NBPF12: variants seen among roughly 807,000 people sequenced by gnomAD.
NBPF12 encodes NBPF family member NBPF12.
In NBPF12, 115 loss-of-function variants were observed where a neutral mutation model predicts 146.4. The ratio of observed to expected loss-of-function variants is 0.79; its 90% CI spans 0.68 to 0.92. The LOEUF (loss-of-function observed/expected upper bound fraction) is 0.92, where lower values mean the gene tolerates loss of function less well. Ranked by LOEUF, NBPF12 falls within the 40% of genes least tolerant of loss-of-function variation. The probability of loss-of-function intolerance (pLI) is 0.00; values close to 1 mark genes in which losing one functional copy is unlikely to be tolerated. For missense variants in NBPF12, 1,205 were observed against 1,326.8 expected, an observed-to-expected ratio of 0.91 and a Z score of 1.43; for synonymous variants, 385 against 508.9, an observed-to-expected ratio of 0.76 and a Z score of 3.28.
exon 34 of NBPF12, chr1:146,994,863 T>G (rs1274952651): frequency 1.9e-6 from 1 of 531,064 alleles, no homozygotes; most frequent in Admixed American, 3.4e-5. Context: ...ACAAAATTCC[T>G]CAGGGATTTC....
chr1:146,972,520 T>G (rs1241849352), intron 13 of NBPF12, among the ~76,000 whole-genome samples: 2,050 of 150,258 alleles, frequency 0.014, 105 homozygotes, highest in African/African-American at 0.047. Flanking sequence ...TTATAGAAAC[T>G]TATAAGCAAG....
chr1:146,983,861 GA>G (rs1333004341), intron 20 of NBPF12, among the ~76,000 whole-genome samples: 1,156 of 130,332 alleles, frequency 8.9e-3, no homozygotes, highest in African/African-American at 0.033. Flanking sequence ...ATTTATTGGG[GA>G]AAAAATTGCT....
chr1:146,948,888 C>T (rs1553883609), upstream of NBPF12, among the ~76,000 whole-genome samples: 22,265 of 150,814 alleles, frequency 0.15, 1,772 homozygotes, highest in Admixed American at 0.26. Flanking sequence ...AGGAGAAAAC[C>T]GCCTTAGGAC....
At chr1:146,987,799 C>G (rs1657887370) in intron 25 of NBPF12, among the ~76,000 whole-genome samples, 155 bp from the exon 29 acceptor site, 1 of 152,072 alleles carries the variant, frequency 6.6e-6, no homozygotes, top group South Asian at 2.1e-4. Flanking sequence ...TGGCCCTGTT[C>G]TGTCCCAACA....
exon 34 of NBPF12, chr1:146,994,946 A>T (rs1658453766): frequency 2.8e-6 from 1 of 354,926 alleles, no homozygotes; most frequent in Admixed American, 4.2e-5. Context: ...GTTCATCCAA[A>T]GGTGTTACCC....
intron 2 of NBPF12, among the ~76,000 whole-genome samples, chr1:146,954,434 G>A: frequency 9.1e-6 from 1 of 109,652 alleles, no homozygotes; most frequent in Non-Finnish European, 1.9e-5. Flanking sequence ...CAAAATTTAT[G>A]TAAGGCCAGT....
At chr1:146,958,054 T>TAC (rs1655684775) in intron 2 of NBPF12, among the ~76,000 whole-genome samples, 1 of 120,830 alleles carries the variant, frequency 8.3e-6, no homozygotes, top group Non-Finnish European at 1.8e-5. Flanking sequence ...TATATACATA[T>TAC]ACACACGTGT....
chr1:146,992,514 C>A (rs1159939403), intron 31 of NBPF12, among the ~76,000 whole-genome samples, 198 bp from the exon 35 acceptor site: 1 of 52,076 alleles, frequency 1.9e-5, no homozygotes, highest in Admixed American at 1.9e-4. Flanking sequence ...GTGTGTGTGT[C>A]TATCTGTCTT....
At chr1:146,970,771 C>A in intron 12 of NBPF12, 52 bp downstream of exon 15, 1 of 1,267,488 alleles carries the variant, frequency 7.9e-7, no homozygotes, top group Non-Finnish European at 1.2e-6. Flanking sequence ...ATGAAAATGT[C>A]TAGGAGGCAT....
At chr1:146,940,449 C>G (rs1654747063) in intron 1 of NBPF12, among the ~76,000 whole-genome samples, 3 of 151,374 alleles carry the variant, frequency 2.0e-5, no homozygotes, top group Admixed American at 2.0e-4. Context: ...ACTAAAAATA[C>G]AAAAATTAGC....
At chr1:146,982,724 C>T (rs1286606782) in intron 19 of NBPF12, among the ~76,000 whole-genome samples, 1 of 151,174 alleles carries the variant, frequency 6.6e-6, no homozygotes, top group African/African-American at 2.4e-5. Flanking sequence ...GTACTGAGCA[C>T]ATGCTGCCCA....
chr1:146,992,418 C>A (rs1658228439), intron 31 of NBPF12, among the ~76,000 whole-genome samples: 1 of 138,398 alleles, frequency 7.2e-6, no homozygotes, highest in African/African-American at 2.8e-5. Context: ...GTCACCTGGA[C>A]AATTCACTGA....
At chr1:146,992,649 A>C (rs1351381167) in intron 31 of NBPF12, 63 bp from the exon 35 acceptor site, 10 of 771,742 alleles carry the variant, frequency 1.3e-5, no homozygotes, top group Non-Finnish European at 2.2e-5. Flanking sequence ...CATGAAACCT[A>C]GTTGGGGCTC....
At chr1:146,955,974 G>C (rs1262484041) in intron 2 of NBPF12, among the ~76,000 whole-genome samples, 1 of 149,472 alleles carries the variant, frequency 6.7e-6, no homozygotes, top group Non-Finnish European at 1.5e-5. Flanking sequence ...TTGTATAAGG[G>C]CACTGGCTTC....
chr1:146,978,107 A>T (rs1229515695), intron 18 of NBPF12, among the ~76,000 whole-genome samples: 6 of 151,540 alleles, frequency 4.0e-5, no homozygotes, highest in Non-Finnish European at 8.8e-5. Flanking sequence ...ATCTCCTTTA[A>T]GTCAGCTTGC....
At chr1:146,969,683 C>T (rs1656449052) in intron 11 of NBPF12, 87 bp downstream of exon 14, 7 of 1,536,544 alleles carry the variant, frequency 4.6e-6, no homozygotes, top group South Asian at 4.5e-5. Flanking sequence ...ACAGTTGTAT[C>T]AGTGGGGTTT....
rs1296926689 is a variant in NBPF12 at position 146,966,600 on chromosome 1, G to C, written c.915G>C (p.Gln305His). The change falls in exon 9 of 34, where the codon CAG (glutamine) becomes CAC (histidine). Residue 305 changes from glutamine (Q) to histidine (H), a missense_variant. By Grantham distance (24) the Gln-to-His change is conservative. This residue lies in a region of NBPF12 where 325 missense variants were observed against 236.6 expected (regional missense o/e 1.37). Transcript: ENST00000617844. ...CCCAGCTGGCAGAGAAGAAACAGCAGTTCAGAAGCCTCAAAGAGAAATGTT... is the reference window on the plus strand; with the variant it reads ...CCCAGCTGGCAGAGAAGAAACAGCACTTCAGAAGCCTCAAAGAGAAATGTT... The C allele has an allele frequency of 6.0e-6, 9 of 1,495,014 alleles. No individual in the cohort carries two copies. The Admixed American group carries it at 1.3e-4, about 22-fold the overall frequency. The allele number at this position is 1,495,014 out of a possible 1,614,324, so 92.6% of individuals were successfully genotyped here. A position where few individuals can be genotyped will look rare whatever the true frequency, so the allele number is the denominator to read the frequency against.
rs1177691755 is a variant in NBPF12 at position 146,985,469 on chromosome 1, G to C, written c.2840-236G>C. 9.2e-3 allele frequency among the ~76,000 whole-genome samples: 1,342 copies of C among 145,946 alleles called. 1 individual carries two copies. The highest frequency in any genetic ancestry group is 0.03 in the East Asian group (139 of 4,694). The stretch of plus-strand genomic sequence containing the variant: ...CATAACCATTTGCACAAACTTGGGA[G>C]AAATGATATTGGGATAACGATCTAC... On this transcript the variant is annotated intron_variant, in intron 22 of 33. Transcript: ENST00000617844.
rs1173230499 is a variant in NBPF12 at position 146,951,135 on chromosome 1, G to A, written c.-325-213G>A. On this transcript the variant is annotated intron_variant, in intron 1 of 33. Coordinates refer to ENST00000617844, the Ensembl canonical transcript of NBPF12. The stretch of plus-strand genomic sequence containing the variant: ...TGATGACTTCAGGGACATGAGCATG[G>A]GATACCTGTCATCACCACCACCATG... 1.1e-4 allele frequency among the ~76,000 whole-genome samples: 17 copies of A among 152,030 alleles called. 1 individual carries two copies. The East Asian group carries it at 3.1e-3, about 28-fold the overall frequency.
Sources: allele counts gnomAD v4.1 joint callset (sites outside exome capture counted in the v4.1 genomes callset), GRCh38; gene constraint gnomAD v4.1.1; regional missense constraint gnomAD v4.1.1; transcripts MANE v1.5; gene names NCBI Gene and HGNC (gene_info 2026-07-23, HGNC 2026-07-21).